Variants in PTPRD observed in about 807,000 individuals in gnomAD.
The protein encoded by PTPRD is protein tyrosine phosphatase receptor type D, also known as receptor-type tyrosine-protein phosphatase delta.
In PTPRD, 34 loss-of-function variants were observed where a neutral mutation model predicts 214.5. That is an observed-to-expected ratio of 0.16 (90% CI 0.12 to 0.21). PTPRD has a LOEUF of 0.21. Among genes scored for constraint, PTPRD ranks in the 10% least tolerant of loss-of-function variants. The pLI is 1.00. For synonymous variants in PTPRD, 1,128 were observed against 845.7 expected (o/e 1.33, Z -5.79); for missense variants, 2,545 against 2,398.7 (o/e 1.06, Z -1.27).
chr9:8,342,572 G>A (rs1421785472), intron 39 of PTPRD, among the ~76,000 whole-genome samples: 1 of 152,030 alleles, frequency 6.6e-6, no homozygotes, highest in Non-Finnish European at 1.5e-5. Flanking sequence ...GTCATCAACA[G>A]GAATAGGTAT....
At chr9:10,228,226 A>G (rs142716761) in intron 3 of PTPRD, among the ~76,000 whole-genome samples, 4 of 152,048 alleles carry the variant, frequency 2.6e-5, no homozygotes, top group African/African-American at 7.2e-5. Flanking sequence ...AAATGACTGT[A>G]CAAGTAATGG....
At chr9:10,327,815 T>G (rs112990808) in intron 3 of PTPRD, among the ~76,000 whole-genome samples, 1 of 151,846 alleles carries the variant, frequency 6.6e-6, no homozygotes, top group African/African-American at 2.4e-5. Context: ...AATGCCAAAC[T>G]TTTTGAGAAG....
intron 3 of PTPRD, among the ~76,000 whole-genome samples, chr9:10,266,433 C>T (rs1332225710): frequency 5.3e-5 from 8 of 152,052 alleles, no homozygotes; most frequent in Admixed American, 2.0e-4. Flanking sequence ...GGCTAAGGAA[C>T]ATGGTAGCTC....
intron 3 of PTPRD, among the ~76,000 whole-genome samples, chr9:10,063,202 C>G (rs1384807519): frequency 6.6e-6 from 1 of 151,976 alleles, no homozygotes; most frequent in African/African-American, 2.4e-5. Flanking sequence ...GTAAATTCAG[C>G]AAAATTCAAC....
chr9:9,564,644 T>C (rs2083882446), intron 8 of PTPRD, among the ~76,000 whole-genome samples: 1 of 152,004 alleles, frequency 6.6e-6, no homozygotes, highest in African/African-American at 2.4e-5. Context: ...CTGGGGTACA[T>C]ATGTCTTAAA....
At chr9:10,102,098 T>TGCATATAATA (rs2098556744) in intron 3 of PTPRD, among the ~76,000 whole-genome samples, 1 of 151,828 alleles carries the variant, frequency 6.6e-6, no homozygotes, top group African/African-American at 2.4e-5. Context: ...TAAATACAAA[T>TGCATATAATA]GCATATAATA....
intron 7 of PTPRD, among the ~76,000 whole-genome samples, chr9:9,683,462 A>C (rs886663172): frequency 7.2e-5 from 11 of 151,860 alleles, no homozygotes; most frequent in African/African-American, 2.7e-4. Context: ...AGGAAAAATA[A>C]ACATCAAAAA....
intron 2 of PTPRD, among the ~76,000 whole-genome samples, chr9:10,553,056 C>G (rs1238961086): frequency 6.6e-6 from 1 of 152,116 alleles, no homozygotes; most frequent in East Asian, 1.9e-4. Context: ...TCCAGTTGAC[C>G]ATTCCCTGAG....
intron 3 of PTPRD, among the ~76,000 whole-genome samples, chr9:10,336,172 G>A (rs1285959147): frequency 6.6e-6 from 1 of 151,754 alleles, no homozygotes; most frequent in Non-Finnish European, 1.5e-5. Flanking sequence ...GATATGGTAT[G>A]CTTCTAATTA....
At position 8,788,614 on chromosome 9, in the gene PTPRD, T is replaced by A. The variant is rs184834996; in HGVS notation, c.-103-54668A>T. 8.5e-5 allele frequency among the ~76,000 whole-genome samples: 13 copies of A among 152,208 alleles called. No individual in the cohort carries two copies. The East Asian group carries it at 2.5e-3, about 29-fold the overall frequency. The stretch of plus-strand genomic sequence containing the variant: ...TAACTTAGCCTAAAAACGTTTCCCT[T>A]AAAATCAGCAAAGGAAAAGTTATGG... On this transcript the variant is annotated intron_variant, in intron 11 of 45. Transcript: ENST00000381196.
Position 9,037,710 on chromosome 9 carries a change from A to G in PTPRD, c.-142-18975T>C, listed in dbSNP as rs147025477. 3.2e-3 allele frequency among the ~76,000 whole-genome samples: 481 copies of G among 152,316 alleles called. 3 individuals carry two copies. Among genetic ancestry groups the G allele is most frequent in the African/African-American group, 0.011 (443 of 41,578 alleles). On this transcript the variant is annotated intron_variant, in intron 10 of 45. Coordinates refer to ENST00000381196, the MANE Select transcript of PTPRD (RefSeq NM_002839.4). ...AGATGGTACAGAAAGGTGTCCAGCA[A>G]AAATGGCCACAGGGAAATCCACAGA...
At position 8,742,481 on chromosome 9, in the gene PTPRD, T is replaced by C. The variant is rs140436033; in HGVS notation, c.-103-8535A>G. ...CTTTAAAAATCAAAACAGGTTTTCT[T>C]AATGAATGCAAAATATCTGTAAAAT... On this transcript the variant is annotated intron_variant, in intron 11 of 45. Transcript: ENST00000381196. Among the ~76,000 whole-genome samples the C allele has an allele frequency of 3.3e-3, 508 of 152,342 alleles. 1 individual carries two copies. The highest frequency in any genetic ancestry group is 6.8e-3 in the Middle Eastern group (2 of 294).
At chr9:8,679,189 C>T (rs1376234656) in intron 12 of PTPRD, among the ~76,000 whole-genome samples, 2 of 152,112 alleles carry the variant, frequency 1.3e-5, no homozygotes, top group Non-Finnish European at 2.9e-5. Flanking sequence ...TTCTGGAATC[C>T]TAAAATGATG....
chr9:10,496,608 C>G (rs887632791), intron 2 of PTPRD, among the ~76,000 whole-genome samples: 1 of 101,348 alleles, frequency 9.9e-6, no homozygotes, highest in Admixed American at 1.0e-4. Context: ...TGCAGCCTCA[C>G]CAACATCTGT....
chr9:10,511,987 T>C (rs1372353944), intron 2 of PTPRD, among the ~76,000 whole-genome samples: 1 of 93,812 alleles, frequency 1.1e-5, no homozygotes, highest in Non-Finnish European at 2.1e-5. Context: ...TATATATATA[T>C]ACGTGTGTGT....
intron 10 of PTPRD, among the ~76,000 whole-genome samples, chr9:9,168,345 T>C (rs2130850883): frequency 6.6e-6 from 1 of 152,338 alleles, no homozygotes; most frequent in Non-Finnish European, 1.5e-5. Flanking sequence ...TATTCATTTT[T>C]TTATCTTGCC....
intron 3 of PTPRD, among the ~76,000 whole-genome samples, chr9:10,248,115 C>A (rs2092371398): frequency 1.3e-5 from 2 of 152,112 alleles, no homozygotes; most frequent in Non-Finnish European, 1.5e-5. Flanking sequence ...CCATGTGGAA[C>A]TGTAAGTCCA....
intron 12 of PTPRD, among the ~76,000 whole-genome samples, chr9:8,673,662 T>G (rs913842202): frequency 4.6e-5 from 7 of 152,168 alleles, no homozygotes; most frequent in Admixed American, 1.3e-4. Context: ...TCCCTCTAAT[T>G]TCTTGACCTC....
At chr9:8,696,497 A>C (rs769096981) in intron 12 of PTPRD, among the ~76,000 whole-genome samples, 25 of 152,166 alleles carry the variant, frequency 1.6e-4, no homozygotes, top group Non-Finnish European at 2.9e-4. Context: ...CGTGTTATGA[A>C]TTAGATAAAC....
Sources: gnomAD v4.1 joint callset for allele counts (sites outside exome capture counted in the v4.1 genomes callset) on GRCh38, gnomAD v4.1.1 for gene constraint, MANE v1.5 for transcripts, NCBI Gene and HGNC (gene_info 2026-07-23, HGNC 2026-07-21) for gene names.